Variants in SEMA4B observed in about 807,000 individuals in gnomAD.
SEMA4B encodes the protein semaphorin 4B.
Under a neutral mutation model 88.1 loss-of-function variants are expected in SEMA4B, and 55 were observed. The observed-to-expected ratio is 0.62, with a 90% CI of 0.50 to 0.78. The LOEUF is 0.78. Among genes scored for constraint, SEMA4B ranks in the 30% least tolerant of loss-of-function variants. The pLI is 0.00. For synonymous variants in SEMA4B, 525 were observed against 473.6 expected, an observed-to-expected ratio of 1.11 and a Z score of -1.41; for missense variants, 1,062 against 1,111.9, an observed-to-expected ratio of 0.96 and a Z score of 0.64.
chr15:90,203,082 G>A (rs1960823211), intron 1 of SEMA4B, among the ~76,000 whole-genome samples: 1 of 152,230 alleles, frequency 6.6e-6, no homozygotes, highest in Admixed American at 6.5e-5. Flanking sequence ...TCAAGGTAGT[G>A]AGGATTAAAT....
At chr15:90,217,925 C>G in intron 3 of SEMA4B, 96 bp downstream of exon 3, 1 of 1,049,454 alleles carries the variant, frequency 9.5e-7, no homozygotes, top group Non-Finnish European at 1.4e-6. Flanking sequence ...GCAGATACAG[C>G]CAGGTATGGT....
In SEMA4B at chr15:90,224,064, G is replaced by T. The variant is rs1962016846; in HGVS notation, c.1194+76G>T. On this transcript the variant is annotated intron_variant, in intron 9 of 13. Coordinates refer to ENST00000411539, the MANE Select transcript of SEMA4B (RefSeq NM_198925.4). ...CCCACACCATGCTGGGAGCAAGGCT[G>T]CCTAGCCTCGGGCAGATCACTTGGC... is the stretch of plus-strand genomic sequence containing the variant. 2.1e-6 allele frequency: 3 copies of T among 1,435,380 alleles called. No homozygotes were observed. The Admixed American group carries it at 6.4e-5, about 31-fold the overall frequency. 88.9% of individuals were successfully genotyped at this position (1,435,380 alleles called of 1,614,324 possible).
chr15:90,197,957 C>A (rs1473944052), upstream of SEMA4B, among the ~76,000 whole-genome samples: 1 of 146,910 alleles, frequency 6.8e-6, no homozygotes, highest in Non-Finnish European at 1.5e-5. Flanking sequence ...GATGGAGTCT[C>A]GCTCTGTGGC....
At chr15:90,227,502 G>A (rs968515720) in intron 12 of SEMA4B, 55 bp from the exon 13 acceptor site, 3 of 1,549,156 alleles carry the variant, frequency 1.9e-6, no homozygotes, top group African/African-American at 2.7e-5. Flanking sequence ...AGGGGTGAGG[G>A]AATGTGAGCT....
At position 90,228,469 on chromosome 15, in the gene SEMA4B, C is replaced by A. The variant is rs1293757706; in HGVS notation, c.2340C>A (p.Thr780=). The change falls in exon 14 of 14, where the codon ACC becomes ACA. Residue 780 remains threonine (T), a synonymous_variant. Coordinates refer to ENST00000411539, the MANE Select transcript of SEMA4B (RefSeq NM_198925.4). The stretch of plus-strand genomic sequence containing the variant: ...TCAACGGCCTAGGGCCCCCTAGCAC[C>A]CCGCTCGATCACCGAGGGTACCAGT... The part of the protein sequence containing the change: ...RPLNGLGPPS[T]PLDHRGYQSL... 1 of 1,610,112 alleles carries A rather than the reference C, an allele frequency of 6.2e-7. No individual in the cohort carries two copies. Among genetic ancestry groups the A allele is most frequent in the Non-Finnish European group, 8.5e-7 (1 of 1,178,784 alleles).
chr15:90,229,056 T>C lies in SEMA4B; in HGVS notation c.*413T>C. 1 of 357,700 alleles carries C rather than the reference T, an allele frequency of 2.8e-6. No homozygotes were observed. 22.2% of individuals were successfully genotyped at this position (357,700 alleles called of 1,614,324 possible). A position where few individuals can be genotyped will look rare whatever the true frequency, so the allele number is the denominator to read the frequency against. ...CCAAAGTGGTTGTCTGAGACAGAGT[T>C]GGAAACCCTCACCAACTGGCCTCTT... On this transcript the variant is annotated 3_prime_UTR_variant, in exon 14 of 14. Coordinates refer to ENST00000411539, the MANE Select transcript of SEMA4B (RefSeq NM_198925.4).
intron 12 of SEMA4B, among the ~76,000 whole-genome samples, chr15:90,227,054 T>C (rs1962208869): frequency 6.6e-6 from 1 of 152,160 alleles, no homozygotes; most frequent in African/African-American, 2.4e-5. Flanking sequence ...TTTTTATTAT[T>C]ATTTTTTGAG....
At chr15:90,188,520 C>G (rs1218389170) in intron 1 of SEMA4B, among the ~76,000 whole-genome samples, 2 of 151,634 alleles carry the variant, frequency 1.3e-5, no homozygotes, top group South Asian at 4.2e-4. Flanking sequence ...CCCAGCTACC[C>G]GGGAGGCTGA....
chr15:90,221,505 G>T, intron 6 of SEMA4B, 25 bp downstream of exon 6: 1 of 1,605,020 alleles, frequency 6.2e-7, no homozygotes, highest in African/African-American at 1.3e-5. Context: ...CCACCACCCA[G>T]AGGGCAGGGA....
In SEMA4B at chr15:90,228,903, G is replaced by A; in HGVS notation, c.*260G>A. The stretch of plus-strand genomic sequence containing the variant: ...AGGTTGGTGGAACAGTGCTCCTTAT[G>A]TAAACTGAGCCCTTTGTTTAAAAAA... On this transcript the variant is annotated 3_prime_UTR_variant, in exon 14 of 14. Coordinates refer to ENST00000411539, the MANE Select transcript of SEMA4B (RefSeq NM_198925.4). 1 of 574,196 alleles carries A rather than the reference G, an allele frequency of 1.7e-6. No homozygotes were observed. 35.6% of individuals were successfully genotyped at this position (574,196 alleles called of 1,614,324 possible).
intron 1 of SEMA4B, among the ~76,000 whole-genome samples, chr15:90,188,034 G>A (rs796718099): frequency 3.0e-4 from 45 of 151,198 alleles, no homozygotes; most frequent in African/African-American, 1.0e-3. Flanking sequence ...GAAAAGAAAC[G>A]TGGGTCAGGC....
chr15:90,206,200 C>T (rs760605152), intron 1 of SEMA4B, among the ~76,000 whole-genome samples: 33 of 152,218 alleles, frequency 2.2e-4, no homozygotes, highest in Non-Finnish European at 2.8e-4. Flanking sequence ...TTGCCTCTCA[C>T]TCCACCCCCA....
intron 6 of SEMA4B, 28 bp from the exon 7 acceptor site, chr15:90,221,586 C>A: frequency 6.2e-7 from 1 of 1,612,960 alleles, no homozygotes; most frequent in Non-Finnish European, 8.5e-7. Flanking sequence ...CCTGGGCTGA[C>A]TCTGAGCTCC....
At chr15:90,196,047 G>A (rs1960493970) in intron 1 of SEMA4B, among the ~76,000 whole-genome samples, 1 of 150,792 alleles carries the variant, frequency 6.6e-6, no homozygotes, top group Non-Finnish European at 1.5e-5. Flanking sequence ...AGCCTCCCAA[G>A]TAGCTGGGAC....
chr15:90,214,002 G>A (rs752444564), intron 1 of SEMA4B, among the ~76,000 whole-genome samples: 12 of 152,212 alleles, frequency 7.9e-5, no homozygotes, highest in Non-Finnish European at 1.6e-4. Context: ...GTTAACTAGT[G>A]TCACCCCCAC....
rs140928894 is a variant in SEMA4B, at chr15:90,222,624, A to G, written c.861+859A>G. Among the ~76,000 whole-genome samples, 1,230 of 152,220 alleles carry G rather than the reference A, an allele frequency of 8.1e-3. 16 individuals carry two copies. Among genetic ancestry groups the G allele is most frequent in the African/African-American group, 0.027 (1,127 of 41,524 alleles). ...CACACAAAAATCACTTACAAGTTAA[A>G]GAGGCACTGTAGCATCAGCTGGAGA... is the stretch of plus-strand genomic sequence containing the variant. On this transcript the variant is annotated intron_variant, in intron 7 of 13. Coordinates refer to ENST00000411539, the MANE Select transcript of SEMA4B (RefSeq NM_198925.4).
rs1567062513 is a variant in SEMA4B at position 90,225,717 on chromosome 15, C to CA, written c.1579dup (p.Ser527LysfsTer71). 1 of 1,569,414 alleles carries CA rather than the reference C, an allele frequency of 6.4e-7. No individual in the cohort carries two copies. Among genetic ancestry groups the CA allele is most frequent in the Admixed American group, 1.8e-5 (1 of 54,146 alleles). ...TAGTCCAGGTGCCCATGGCCAACTG[C>CA]AGCCTGTACAGGAGCTGTGGGGACT... On this transcript the variant is annotated frameshift_variant, in exon 12 of 14. Transcript: ENST00000411539. LOFTEE classifies it high-confidence loss of function.
chr15:90,190,700 G>A (rs1294440888), intron 1 of SEMA4B, among the ~76,000 whole-genome samples: 1 of 152,076 alleles, frequency 6.6e-6, no homozygotes, highest in Non-Finnish European at 1.5e-5. Flanking sequence ...TCACTTCATG[G>A]GATCTTTGGA....
chr15:90,216,257 C>G (rs899063140), intron 1 of SEMA4B, among the ~76,000 whole-genome samples: 2 of 152,098 alleles, frequency 1.3e-5, no homozygotes, highest in African/African-American at 4.8e-5. Context: ...TGTGAGCCAC[C>G]ACGCCCAGCC....
Sources: gnomAD v4.1 joint callset for allele counts (sites outside exome capture counted in the v4.1 genomes callset) on GRCh38, gnomAD v4.1.1 for gene constraint, MANE v1.5 for transcripts, NCBI Gene and HGNC (gene_info 2026-07-23, HGNC 2026-07-21) for gene names.